The following PRIM2 variants were observed in gnomAD, a reference collection of about 807,000 sequenced individuals.
PRIM2 encodes the protein DNA primase large subunit.
Under a neutral mutation model 67.3 loss-of-function variants are expected in PRIM2, and 39 were observed. The observed-to-expected ratio is 0.58, with a 90% CI of 0.45 to 0.76. The LOEUF (loss-of-function observed/expected upper bound fraction) is 0.76. PRIM2 is among the 30% of genes least tolerant of loss of function. The pLI, the probability that PRIM2 is intolerant of heterozygous loss-of-function variation, is 0.00. For missense variants in PRIM2, 398 were observed against 598.7 expected, an observed-to-expected ratio of 0.66 and a Z score of 3.50; for synonymous variants, 143 against 198.7, an observed-to-expected ratio of 0.72 and a Z score of 2.36.
At chr6:57,475,286 G>A (rs1773450313) in intron 7 of PRIM2, among the ~76,000 whole-genome samples, 2 of 152,088 alleles carry the variant, frequency 1.3e-5, no homozygotes, top group African/African-American at 4.8e-5. Context: ...TCACAGAGTT[G>A]TGCAACCATC....
chr6:57,473,905 T>C (rs1401017838), intron 7 of PRIM2, among the ~76,000 whole-genome samples: 3 of 152,070 alleles, frequency 2.0e-5, no homozygotes, highest in Non-Finnish European at 2.9e-5. Flanking sequence ...TGTTTTTTTT[T>C]CTCTGTGAAT....
At chr6:57,578,413 G>A (rs1314496412) in intron 10 of PRIM2, among the ~76,000 whole-genome samples, 1 of 151,990 alleles carries the variant, frequency 6.6e-6, no homozygotes, top group Non-Finnish European at 1.5e-5. Context: ...GTGCTCTAAA[G>A]GTTATTTTCT....
chr6:57,482,416 G>C (rs1185103263), intron 7 of PRIM2, among the ~76,000 whole-genome samples: 3 of 152,106 alleles, frequency 2.0e-5, no homozygotes, highest in Non-Finnish European at 4.4e-5. Context: ...CCTGGTTGGG[G>C]GGACCAATTT....
At chr6:57,340,715 G>A (rs1361104594) in intron 5 of PRIM2, among the ~76,000 whole-genome samples, 6 of 152,192 alleles carry the variant, frequency 3.9e-5, no homozygotes, top group African/African-American at 1.4e-4. Context: ...GTGGGGTGGG[G>A]GTAGGGGTGA....
At chr6:57,379,445 GA>G (rs1769881141) in intron 5 of PRIM2, among the ~76,000 whole-genome samples, 2 of 151,608 alleles carry the variant, frequency 1.3e-5, no homozygotes, top group African/African-American at 4.8e-5. Flanking sequence ...GTTGTTCCTA[GA>G]AAAACTAGTG....
rs1188778967 is a variant in PRIM2, at chr6:57,519,351, C to A, written c.761+11897C>A. 1.7e-3 allele frequency among the ~76,000 whole-genome samples: 257 copies of A among 152,338 alleles called. 4 individuals carry two copies. Among genetic ancestry groups the A allele is most frequent in the Admixed American group, 5.1e-3 (78 of 15,302 alleles). On this transcript the variant is annotated intron_variant, in intron 8 of 13. Transcript: ENST00000615550. Reference sequence around the variant, plus strand: ...ATAAGCCTGGGAGCGCTATGGGAGACTGGGGTCTATTTCACCCCTGCAGTC... The same window carrying A: ...ATAAGCCTGGGAGCGCTATGGGAGAATGGGGTCTATTTCACCCCTGCAGTC...
At chr6:57,282,203 AT>A in the PRIM2 span, among the ~76,000 whole-genome samples, 2 of 152,056 alleles carry the variant, frequency 1.3e-5, no homozygotes, top group Admixed American at 6.6e-5. Flanking sequence ...TATATTTCTT[AT>A]TATTTTGTAT....
intron 7 of PRIM2, among the ~76,000 whole-genome samples, chr6:57,401,510 T>C (rs1327072510): frequency 5.9e-5 from 9 of 152,182 alleles, no homozygotes; most frequent in Non-Finnish European, 1.3e-4. Context: ...TGGAGCCATG[T>C]TCCCTCTTAA....
At chr6:57,526,191 G>A (rs1197042416) in intron 8 of PRIM2, among the ~76,000 whole-genome samples, 2 of 152,108 alleles carry the variant, frequency 1.3e-5, no homozygotes, top group South Asian at 4.1e-4. Flanking sequence ...ACAATCCAGT[G>A]TCTTCAGATA....
At chr6:57,263,970 T>C in the PRIM2 span, among the ~76,000 whole-genome samples, 7 of 152,200 alleles carry the variant, frequency 4.6e-5, no homozygotes, top group Admixed American at 6.5e-5. Flanking sequence ...GCCTGGTACA[T>C]GTATTTGTGA....
At chr6:57,505,005 T>C (rs1382886116) in intron 7 of PRIM2, among the ~76,000 whole-genome samples, 3 of 152,200 alleles carry the variant, frequency 2.0e-5, no homozygotes, top group African/African-American at 7.2e-5. Context: ...CCACTCACAG[T>C]CCAGTGGATG....
At chr6:57,313,019 G>A (rs1334459945), upstream of PRIM2, among the ~76,000 whole-genome samples, 1 of 152,052 alleles carries the variant, frequency 6.6e-6, no homozygotes, top group Non-Finnish European at 1.5e-5. Context: ...CCATGTTTGG[G>A]TTTTCTATTC....
intron 7 of PRIM2, among the ~76,000 whole-genome samples, chr6:57,407,766 G>GTT (rs1411275581): frequency 6.6e-6 from 1 of 152,190 alleles, no homozygotes; most frequent in Non-Finnish European, 1.5e-5. Context: ...GAACTGATTA[G>GTT]TTAAAGAATT....
chr6:57,241,914 T>C, the PRIM2 span, among the ~76,000 whole-genome samples: 141,192 of 151,964 alleles, frequency 0.93, 65,640 homozygotes, highest in South Asian at 0.98. Context: ...CCTCGTGATC[T>C]GCCCTCCTTG....
intron 7 of PRIM2, among the ~76,000 whole-genome samples, chr6:57,439,615 A>T (rs946721549): frequency 6.6e-6 from 1 of 151,756 alleles, no homozygotes; most frequent in Non-Finnish European, 1.5e-5. Flanking sequence ...GGGTTTTGCC[A>T]TGTTGATCAG....
In PRIM2 at chr6:57,466,910, G is replaced by A. The variant is rs1402174233; in HGVS notation, c.694-40477G>A. Among the ~76,000 whole-genome samples the A allele has an allele frequency of 1.6e-4, 24 of 152,040 alleles. No individual in the cohort carries two copies. In the East Asian group the frequency reaches 4.1e-3, roughly 26 times the overall value. On this transcript the variant is annotated intron_variant, in intron 7 of 13. Transcript: ENST00000615550. ...TGAGGCAGGCTGATCACCTCAGGTCGGAAGTTAAGAGACCAGCCTGACCAA... is the reference window on the plus strand; with the variant it reads ...TGAGGCAGGCTGATCACCTCAGGTCAGAAGTTAAGAGACCAGCCTGACCAA...
intron 5 of PRIM2, among the ~76,000 whole-genome samples, chr6:57,364,905 T>C (rs1284455113): frequency 6.6e-6 from 1 of 152,206 alleles, no homozygotes; most frequent in Non-Finnish European, 1.5e-5. Flanking sequence ...TTAAGTGTTT[T>C]GTCCATCATT....
At chr6:57,331,848 A>G (rs981618828) in intron 5 of PRIM2, among the ~76,000 whole-genome samples, 2 of 151,878 alleles carry the variant, frequency 1.3e-5, no homozygotes, top group Admixed American at 1.3e-4. Flanking sequence ...TCAAAGAACC[A>G]ACTTTTGGTT....
At chr6:57,356,037 G>A (rs1326917755) in intron 5 of PRIM2, among the ~76,000 whole-genome samples, 1 of 152,116 alleles carries the variant, frequency 6.6e-6, no homozygotes, top group African/African-American at 2.4e-5. Flanking sequence ...GTTAGGATAG[G>A]GCATCTGAGG....
Sources: gnomAD v4.1 joint callset for allele counts (sites outside exome capture counted in the v4.1 genomes callset) on GRCh38, gnomAD v4.1.1 for gene constraint, MANE v1.5 for transcripts, NCBI Gene and HGNC (gene_info 2026-07-23, HGNC 2026-07-21) for gene names.